Variants in LARGE1 observed in about 807,000 individuals in gnomAD.
LARGE1 encodes the protein xylosyl- and glucuronyltransferase LARGE1.
LARGE1 carries 43 observed loss-of-function variants against 87.6 expected under a neutral mutation model. That is an observed-to-expected ratio of 0.49 (90% CI 0.38 to 0.63). LARGE1 has a LOEUF of 0.63. Ranked by LOEUF, LARGE1 falls within the 30% of genes least tolerant of loss-of-function variation. The probability of loss-of-function intolerance (pLI) is 0.00; values close to 1 mark genes in which losing one functional copy is unlikely to be tolerated. For missense variants in LARGE1, 802 were observed against 1,000.2 expected (o/e 0.80, Z 2.67); for synonymous variants, 434 against 394.6 (o/e 1.10, Z -1.18).
chr22:33,752,045 G>A (rs2084339242), intron 2 of LARGE1, among the ~76,000 whole-genome samples: 1 of 152,184 alleles, frequency 6.6e-6, no homozygotes, highest in African/African-American at 2.4e-5. Context: ...GCCTCCCAAA[G>A]TGCTGGGATT....
intron 6 of LARGE1, among the ~76,000 whole-genome samples, chr22:33,446,010 A>G (rs2067674524): frequency 2.6e-5 from 4 of 152,200 alleles, no homozygotes; most frequent in Admixed American, 2.6e-4. Context: ...GGCTGACAGA[A>G]GTAACAAGGC....
chr22:33,444,890 C>T lies in LARGE1; in HGVS notation c.788-12625G>A, dbSNP rs1008742896. On this transcript the variant is annotated intron_variant, in intron 6 of 14. Coordinates refer to ENST00000397394, the MANE Select transcript of LARGE1 (RefSeq NM_133642.5). ...TGTCACCTAGGCTGGAGTGCAGTGGCGCGATCTCGACTCACTGCAACCTCC... is the reference window on the plus strand; with the variant it reads ...TGTCACCTAGGCTGGAGTGCAGTGGTGCGATCTCGACTCACTGCAACCTCC... Among the ~76,000 whole-genome samples, 7 of 152,084 alleles carry T rather than the reference C, an allele frequency of 4.6e-5. No individual in the cohort carries two copies. The South Asian group carries it at 1.0e-3, about 23-fold the overall frequency.
At chr22:33,858,277 G>C (rs1256908919) in intron 1 of LARGE1, among the ~76,000 whole-genome samples, 5 of 152,176 alleles carry the variant, frequency 3.3e-5, no homozygotes, top group African/African-American at 9.7e-5. Flanking sequence ...TCAGCGGCAG[G>C]TCTGTGACTG....
chr22:33,332,208 T>C (rs1223116339), intron 10 of LARGE1, among the ~76,000 whole-genome samples: 1 of 152,098 alleles, frequency 6.6e-6, no homozygotes, highest in Non-Finnish European at 1.5e-5. Context: ...AGGGACACAG[T>C]GGGAGTTAAC....
intron 2 of LARGE1, among the ~76,000 whole-genome samples, chr22:33,713,804 A>C (rs2082817350): frequency 6.6e-6 from 1 of 151,906 alleles, no homozygotes; most frequent in African/African-American, 2.4e-5. Context: ...AAAAAATTTA[A>C]TATTAGCCAG....
At chr22:33,602,386 A>G (rs2079135664) in intron 5 of LARGE1, among the ~76,000 whole-genome samples, 1 of 151,824 alleles carries the variant, frequency 6.6e-6, no homozygotes, top group South Asian at 2.1e-4. Flanking sequence ...AATGCATACC[A>G]CTACAATTGT....
chr22:33,414,790 G>T (rs1335894015), intron 7 of LARGE1, among the ~76,000 whole-genome samples: 1 of 152,078 alleles, frequency 6.6e-6, no homozygotes, highest in Non-Finnish European at 1.5e-5. Context: ...CCTCAAGAAT[G>T]GGATTTGTGC....
At chr22:33,200,751 A>C (rs1305701012) in intron 11 of LARGE1, among the ~76,000 whole-genome samples, 2 of 152,206 alleles carry the variant, frequency 1.3e-5, no homozygotes, top group African/African-American at 4.8e-5. Flanking sequence ...AATGTACAGA[A>C]TAGTCAGATC....
At position 33,551,945 on chromosome 22, in the gene LARGE1, G is replaced by A. The variant is rs534611177; in HGVS notation, c.787+12903C>T. ...GGAGGCGGAGCATGCAGTGAGCCGAGATCGCGCCACTGCACTCCAGCCTGG... is the reference window on the plus strand; with the variant it reads ...GGAGGCGGAGCATGCAGTGAGCCGAAATCGCGCCACTGCACTCCAGCCTGG... On this transcript the variant is annotated intron_variant, in intron 6 of 14. Coordinates refer to ENST00000397394, the MANE Select transcript of LARGE1 (RefSeq NM_133642.5). Among the ~76,000 whole-genome samples, 36 of 133,692 alleles carry A rather than the reference G, an allele frequency of 2.7e-4. 1 individual carries two copies. Among genetic ancestry groups the A allele is most frequent in the Middle Eastern group, 5.0e-3 (1 of 200 alleles). The allele number at this position is 133,692 out of a possible 152,430, so 87.7% of individuals were successfully genotyped here.
chr22:33,262,187 G>A (rs762982523), intron 11 of LARGE1, among the ~76,000 whole-genome samples: 2 of 152,160 alleles, frequency 1.3e-5, no homozygotes, highest in African/African-American at 2.4e-5. Flanking sequence ...ACCGTCACCC[G>A]GCTGTTCAGT....
chr22:33,577,221 T>C (rs2078381105), intron 5 of LARGE1, among the ~76,000 whole-genome samples: 1 of 152,160 alleles, frequency 6.6e-6, no homozygotes, highest in Non-Finnish European at 1.5e-5. Flanking sequence ...TAAAATCTCA[T>C]GTTAGAGGTT....
In LARGE1 at chr22:33,522,038, C is replaced by T. The variant is rs191071023; in HGVS notation, c.787+42810G>A. 2.7e-3 allele frequency among the ~76,000 whole-genome samples: 407 copies of T among 152,250 alleles called. 2 individuals are homozygous for T. Among genetic ancestry groups the T allele is most frequent in the Middle Eastern group, 0.01 (3 of 294 alleles). The stretch of plus-strand genomic sequence containing the variant: ...TAAACAACTAGCTCTCATGTGAACT[C>T]GGAGCAAGAAGTCACTCATTACCAC... On this transcript the variant is annotated intron_variant, in intron 6 of 14. Coordinates refer to ENST00000397394, the MANE Select transcript of LARGE1 (RefSeq NM_133642.5).
intron 1 of LARGE1, among the ~76,000 whole-genome samples, chr22:33,811,186 G>C (rs1293997444): frequency 6.6e-6 from 1 of 152,170 alleles, no homozygotes; most frequent in Non-Finnish European, 1.5e-5. Flanking sequence ...AAGGCTATTA[G>C]ACCACCAGCT....
chr22:33,126,198 G>A, the LARGE1 span, among the ~76,000 whole-genome samples: 1 of 152,206 alleles, frequency 6.6e-6, no homozygotes, highest in Non-Finnish European at 1.5e-5. Context: ...GACACGGCTG[G>A]AAGTTTCAGG....
chr22:33,784,700 CTTTAT>C (rs2085540287), intron 1 of LARGE1, among the ~76,000 whole-genome samples: 2 of 151,898 alleles, frequency 1.3e-5, no homozygotes, highest in Admixed American at 6.6e-5. Flanking sequence ...CAAAATGAAT[CTTTAT>C]TTTATTTATA....
chr22:33,202,806 T>C (rs1924464136), intron 11 of LARGE1, among the ~76,000 whole-genome samples: 1 of 152,094 alleles, frequency 6.6e-6, no homozygotes, highest in African/African-American at 2.4e-5. Context: ...CCTGCTGATT[T>C]TTCTGGAAAA....
At chr22:33,397,935 T>C (rs973591776) in intron 7 of LARGE1, among the ~76,000 whole-genome samples, 1 of 152,192 alleles carries the variant, frequency 6.6e-6, no homozygotes, top group African/African-American at 2.4e-5. Flanking sequence ...TAATTGCCCA[T>C]TTTGTCCTCT....
At chr22:33,573,931 T>TGCTA (rs77799997) in intron 5 of LARGE1, among the ~76,000 whole-genome samples, 23,342 of 151,944 alleles carry the variant, frequency 0.15, 3,274 homozygotes, top group African/African-American at 0.38. Context: ...CTTTACAACA[T>TGCTA]GCTGGCTTCC....
At chr22:33,268,051 G>A (rs962711674), downstream of LARGE1, among the ~76,000 whole-genome samples, 3 of 151,250 alleles carry the variant, frequency 2.0e-5, no homozygotes, top group African/African-American at 7.4e-5. Context: ...CGCCTTCTGG[G>A]CTGAGGCGAT....
Sources: allele counts gnomAD v4.1 joint callset (sites outside exome capture counted in the v4.1 genomes callset), GRCh38; gene constraint gnomAD v4.1.1; transcripts MANE v1.5; gene names NCBI Gene and HGNC (gene_info 2026-07-23, HGNC 2026-07-21).